Variants in SIK3 observed in about 807,000 individuals in gnomAD.
SIK3 encodes SIK family kinase 3.
Under a neutral mutation model 144.2 loss-of-function variants are expected in SIK3, and 28 were observed. The ratio of observed to expected loss-of-function variants is 0.19; its 90% CI spans 0.14 to 0.27. SIK3 has a LOEUF of 0.27. Among genes scored for constraint, SIK3 ranks in the 10% least tolerant of loss-of-function variants. The probability of loss-of-function intolerance (pLI) is 1.00; values close to 1 mark genes in which losing one functional copy is unlikely to be tolerated. For synonymous variants in SIK3, 686 were observed against 676.3 expected (o/e 1.01, Z -0.22); for missense variants, 1,319 against 1,776.0 (o/e 0.74, Z 4.62).
At position 116,861,327 on chromosome 11, in the gene SIK3, C is replaced by A; in HGVS notation, c.2372G>T (p.Arg791Met). 1 of 1,595,344 alleles carries A rather than the reference C, an allele frequency of 6.3e-7. No homozygotes were observed. Among genetic ancestry groups the A allele is most frequent in the Non-Finnish European group, 8.5e-7 (1 of 1,174,994 alleles). The part of the protein sequence containing the change: ...PPNHPNNHLF[R>M]QPSNSPPPMS... ...GGGGGGAGGACTATTACTGGGCTGC[C>A]TGAAGAGATGGTTGTTGGGGTGGTT... The change falls in exon 19 of 25, where the codon AGG (arginine) becomes ATG (methionine). Residue 791 changes from arginine (R) to methionine (M), a missense_variant. By Grantham distance (91) the Arg-to-Met change is moderately conservative (BLOSUM62 -1). This residue lies in a region of SIK3 where 646 missense variants were observed against 763.7 expected (regional missense o/e 0.85). Coordinates refer to ENST00000445177, the MANE Select transcript of SIK3 (RefSeq NM_001366686.3).
intron 1 of SIK3, among the ~76,000 whole-genome samples, chr11:117,038,138 GTA>G (rs1309644309): frequency 1.3e-5 from 2 of 152,008 alleles, no homozygotes; most frequent in Non-Finnish European, 2.9e-5. Flanking sequence ...GAAACATCCT[GTA>G]TAGAGACTCT....
intron 1 of SIK3, among the ~76,000 whole-genome samples, chr11:117,096,890 G>C (rs576506462): frequency 1.3e-5 from 2 of 152,164 alleles, no homozygotes; most frequent in Non-Finnish European, 2.9e-5. Flanking sequence ...GGAGGTGAGG[G>C]GAATTGATGT....
intron 1 of SIK3, among the ~76,000 whole-genome samples, chr11:117,030,546 A>G (rs1952212815): frequency 6.6e-6 from 1 of 152,240 alleles, no homozygotes; most frequent in Admixed American, 6.5e-5. Context: ...AGAGGGCAAA[A>G]AAATGTATAA....
At chr11:117,074,258 A>G (rs958849119) in intron 1 of SIK3, among the ~76,000 whole-genome samples, 9 of 152,094 alleles carry the variant, frequency 5.9e-5, no homozygotes, top group Non-Finnish European at 8.8e-5. Context: ...CAGGATCCCA[A>G]TTTCTAGAAT....
At chr11:116,885,170 T>G (rs1002729742) in intron 6 of SIK3, among the ~76,000 whole-genome samples, 1 of 152,210 alleles carries the variant, frequency 6.6e-6, no homozygotes, top group African/African-American at 2.4e-5. Flanking sequence ...TTTCAGTGAC[T>G]GAACATAGAG....
chr11:116,919,025 G>A (rs1946818296), intron 4 of SIK3, among the ~76,000 whole-genome samples: 1 of 152,046 alleles, frequency 6.6e-6, no homozygotes, highest in Non-Finnish European at 1.5e-5. Context: ...AGGCCTCTCT[G>A]GTCTCAATTC....
At chr11:116,863,972 G>A (rs557331) in intron 15 of SIK3, 154 bp from the exon 16 acceptor site, 22,229 of 712,748 alleles carry the variant, frequency 0.031, 936 homozygotes, top group African/African-American at 0.15. Context: ...GACATCAGTC[G>A]TTTCCCTAGC....
chr11:117,055,393 C>T (rs1371968924), intron 1 of SIK3, among the ~76,000 whole-genome samples: 1 of 152,212 alleles, frequency 6.6e-6, no homozygotes, highest in Admixed American at 6.5e-5. Flanking sequence ...AGATAGGTAG[C>T]TCTAGTCTCC....
intron 23 of SIK3, among the ~76,000 whole-genome samples, chr11:116,847,041 G>A (rs1486562305): frequency 6.6e-6 from 1 of 152,172 alleles, no homozygotes; most frequent in Non-Finnish European, 1.5e-5. Context: ...TCGGGGTCCA[G>A]AAAGCCAAGT....
At chr11:116,982,435 C>A (rs58123174) in intron 1 of SIK3, among the ~76,000 whole-genome samples, 3,734 of 151,962 alleles carry the variant, frequency 0.025, 84 homozygotes, top group South Asian at 0.11. Flanking sequence ...ATTACAGGCG[C>A]CTACCACTAC....
intron 14 of SIK3, 170 bp downstream of exon 14, chr11:116,870,161 A>G: frequency 1.3e-6 from 2 of 1,535,248 alleles, no homozygotes; most frequent in East Asian, 2.5e-5. Context: ...TTTTCTGGGT[A>G]GTCTTCTGTT....
In SIK3 at chr11:116,847,693, A is replaced by G. The variant is rs573221852; in HGVS notation, c.3820-85T>C. ...TAGAGACAGCTGGTCCTTCTGAAGG[A>G]GCCCAGGCAAAAGACAGCCCGGGGC... On this transcript the variant is annotated intron_variant, in intron 22 of 24. Transcript: ENST00000445177. 9 of 1,581,046 alleles carry G rather than the reference A, an allele frequency of 5.7e-6. No individual in the cohort carries two copies. The South Asian group carries it at 7.8e-5, about 14-fold the overall frequency.
intron 11 of SIK3, 140 bp downstream of exon 11, chr11:116,875,018 A>G: frequency 1.6e-6 from 1 of 643,172 alleles, no homozygotes; most frequent in Non-Finnish European, 2.8e-6. Context: ...AAGTTACATC[A>G]TATCATTTGT....
chr11:116,884,350 C>T (rs1168010067), intron 6 of SIK3, among the ~76,000 whole-genome samples: 1 of 128,172 alleles, frequency 7.8e-6, no homozygotes, highest in East Asian at 2.2e-4. Context: ...CCACATCTGG[C>T]TTTTTTTTTT....
intron 4 of SIK3, among the ~76,000 whole-genome samples, chr11:116,915,749 T>C (rs937079139): frequency 6.6e-6 from 1 of 152,206 alleles, no homozygotes; most frequent in Non-Finnish European, 1.5e-5. Flanking sequence ...TTGGTGAAGG[T>C]TGTCTTGAGG....
At chr11:117,056,399 T>G (rs1410898261) in intron 1 of SIK3, among the ~76,000 whole-genome samples, 2 of 152,054 alleles carry the variant, frequency 1.3e-5, no homozygotes, top group East Asian at 3.9e-4. Context: ...TGGGGAGGGA[T>G]AGCATTAGGA....
chr11:117,005,358 AAAAGAT>A (rs1951008527), intron 1 of SIK3, among the ~76,000 whole-genome samples: 1 of 151,300 alleles, frequency 6.6e-6, no homozygotes, highest in Non-Finnish European at 1.5e-5. Context: ...AAAAAAAAAA[AAAAGAT>A]AAAAAAGATC....
At chr11:116,951,231 C>T (rs1327156945) in intron 3 of SIK3, among the ~76,000 whole-genome samples, 1 of 152,098 alleles carries the variant, frequency 6.6e-6, no homozygotes, top group Non-Finnish European at 1.5e-5. Context: ...ACATCCAAAG[C>T]CCAGGTTTTC....
chr11:116,996,972 C>T lies in SIK3; in HGVS notation c.274-39908G>A, dbSNP rs912543522. On this transcript the variant is annotated intron_variant, in intron 1 of 24. Coordinates refer to ENST00000445177, the MANE Select transcript of SIK3 (RefSeq NM_001366686.3). ...AATTTAACAGGTTCATGTTCTCTGA[C>T]CATATGCACATCCATCCACAACAAT... 5.9e-5 allele frequency among the ~76,000 whole-genome samples: 9 copies of T among 152,120 alleles called. No homozygotes were observed. The South Asian group carries it at 1.9e-3, about 32-fold the overall frequency.
Sources: gnomAD v4.1 joint callset for allele counts (sites outside exome capture counted in the v4.1 genomes callset) on GRCh38, gnomAD v4.1.1 for gene constraint, gnomAD v4.1.1 regional missense constraint, MANE v1.5 for transcripts, NCBI Gene and HGNC (gene_info 2026-07-23, HGNC 2026-07-21) for gene names.